TRPM1: variants seen among roughly 807,000 people sequenced by gnomAD.
TRPM1 encodes transient receptor potential cation channel subfamily M member 1.
TRPM1 carries 113 observed loss-of-function variants against 149.4 expected under a neutral mutation model. The ratio of observed to expected loss-of-function variants is 0.76; its 90% CI spans 0.65 to 0.88. The LOEUF (loss-of-function observed/expected upper bound fraction) is 0.88. Ranked by LOEUF, TRPM1 falls within the 40% of genes least tolerant of loss-of-function variation. TRPM1 has a pLI of 0.00. For missense variants in TRPM1, 1,976 were observed against 2,038.7 expected (o/e 0.97, Z 0.59); for synonymous variants, 741 against 759.5 (o/e 0.98, Z 0.40).
At chr15:31,110,745 C>A (rs377170537) in intron 1 of TRPM1, among the ~76,000 whole-genome samples, 2 of 152,134 alleles carry the variant, frequency 1.3e-5, no homozygotes, top group Non-Finnish European at 2.9e-5. Flanking sequence ...CTGTGAGGAC[C>A]GGCCATGGAG....
chr15:31,093,809 G>A (rs1478155444), intron 1 of TRPM1, among the ~76,000 whole-genome samples: 1 of 151,946 alleles, frequency 6.6e-6, no homozygotes, highest in Non-Finnish European at 1.5e-5. Flanking sequence ...CACCATGTTG[G>A]CCAGGCTGGC....
intron 27 of TRPM1, among the ~76,000 whole-genome samples, chr15:31,023,127 T>C (rs988081278): frequency 2.0e-5 from 3 of 152,238 alleles, no homozygotes; most frequent in African/African-American, 7.2e-5. Flanking sequence ...CCTGCCTTCA[T>C]GCAGCTTAAG....
intron 1 of TRPM1, among the ~76,000 whole-genome samples, chr15:31,085,422 G>T (rs1459757749): frequency 6.6e-6 from 1 of 152,182 alleles, no homozygotes; most frequent in Non-Finnish European, 1.5e-5. Context: ...GTAATTAAGA[G>T]CAATAAAAAG....
chr15:31,047,051 A>C, intron 15 of TRPM1, 60 bp downstream of exon 15: 1 of 1,611,894 alleles, frequency 6.2e-7, no homozygotes, highest in Non-Finnish European at 8.5e-7. Context: ...GTTGAAAAGC[A>C]AGCGAGGAAC....
At chr15:31,013,319 T>TA (rs1158357447) in intron 27 of TRPM1, among the ~76,000 whole-genome samples, 1 of 152,056 alleles carries the variant, frequency 6.6e-6, no homozygotes. Context: ...CCTATTTTTT[T>TA]AAAAATATAT....
intron 23 of TRPM1, 102 bp downstream of exon 23, chr15:31,030,881 T>C: frequency 1.4e-6 from 2 of 1,406,102 alleles, no homozygotes; most frequent in Non-Finnish European, 2.0e-6. Context: ...GAGTGACAAA[T>C]ATTTTTTATT....
intron 27 of TRPM1, among the ~76,000 whole-genome samples, chr15:31,005,187 T>G (rs1170874489): frequency 6.6e-6 from 1 of 152,022 alleles, no homozygotes; most frequent in Non-Finnish European, 1.5e-5. Flanking sequence ...TCCTTTTGTA[T>G]CAAAAAAAAC....
At chr15:31,055,516 A>G (rs2034058036) in intron 11 of TRPM1, among the ~76,000 whole-genome samples, 1 of 152,202 alleles carries the variant, frequency 6.6e-6, no homozygotes, top group Admixed American at 6.5e-5. Flanking sequence ...TGGTGACCGG[A>G]AGATGGTCTA....
At chr15:31,145,459 C>T (rs1026636018) in intron 1 of TRPM1, among the ~76,000 whole-genome samples, 8 of 152,150 alleles carry the variant, frequency 5.3e-5, no homozygotes, top group Non-Finnish European at 1.2e-4. Flanking sequence ...GAATGTTGAA[C>T]CTGTCATATC....
At chr15:31,074,812 G>C (rs2034648640) in intron 3 of TRPM1, among the ~76,000 whole-genome samples, 1 of 152,008 alleles carries the variant, frequency 6.6e-6, no homozygotes, top group Non-Finnish European at 1.5e-5. Flanking sequence ...GTATTTACAG[G>C]TATAAATTTC....
intron 27 of TRPM1, among the ~76,000 whole-genome samples, chr15:31,010,244 T>A (rs574603239): frequency 6.6e-6 from 1 of 152,368 alleles, no homozygotes; most frequent in African/African-American, 2.4e-5. Context: ...TTCTGTGGAC[T>A]GTGATTCCAA....
chr15:31,125,357 G>C (rs535292793), intron 1 of TRPM1, among the ~76,000 whole-genome samples: 1 of 151,992 alleles, frequency 6.6e-6, no homozygotes, highest in Non-Finnish European at 1.5e-5. Context: ...GAGACAGGAA[G>C]TACATGGGAG....
At chr15:31,103,664 A>C (rs2035557816), upstream of TRPM1, among the ~76,000 whole-genome samples, 1 of 151,812 alleles carries the variant, frequency 6.6e-6, no homozygotes, top group Non-Finnish European at 1.5e-5. Context: ...AATATAAAAA[A>C]TAACCGGCCA....
At chr15:31,021,702 T>TAAA (rs34186876) in intron 27 of TRPM1, among the ~76,000 whole-genome samples, 3 of 119,362 alleles carry the variant, frequency 2.5e-5, no homozygotes, top group African/African-American at 9.2e-5. Flanking sequence ...TCTCTAGAAT[T>TAAA]AAAAAAAAAA....
Position 31,038,042 on chromosome 15 carries a change from A to G in TRPM1, c.2439+2T>C, listed in dbSNP as rs770487582. 2 of 1,614,160 alleles carry G rather than the reference A, an allele frequency of 1.2e-6. No homozygotes were observed. The highest frequency in any genetic ancestry group is 1.1e-5 in the South Asian group (1 of 91,078). On this transcript the variant is annotated splice_donor_variant, in intron 19 of 27. Transcript: ENST00000256552. LOFTEE classifies it high-confidence loss of function. ...ATGCTTAGGGTCAAGTGTGTCACTGACCGTATTTTCCTCTTCTTTTTCTTT... is the reference window on the plus strand; with the variant it reads ...ATGCTTAGGGTCAAGTGTGTCACTGGCCGTATTTTCCTCTTCTTTTTCTTT...
intron 3 of TRPM1, among the ~76,000 whole-genome samples, chr15:31,075,514 A>G (rs2034665627): frequency 1.3e-5 from 2 of 152,318 alleles, no homozygotes; most frequent in South Asian, 4.1e-4. Flanking sequence ...TGCTGCTTAC[A>G]TGAGTGGGGC....
At chr15:31,086,013 G>A (rs146724860) in intron 1 of TRPM1, among the ~76,000 whole-genome samples, 84 of 149,518 alleles carry the variant, frequency 5.6e-4, no homozygotes, top group African/African-American at 1.9e-3. Context: ...ATCTCTGACC[G>A]TTCCGAGGAG....
chr15:31,020,677 C>A (rs1056574230), intron 27 of TRPM1, among the ~76,000 whole-genome samples: 7 of 152,186 alleles, frequency 4.6e-5, no homozygotes, highest in Admixed American at 3.9e-4. Flanking sequence ...TTTGCCCATG[C>A]CTAGTTTTTC....
intron 1 of TRPM1, among the ~76,000 whole-genome samples, chr15:31,089,708 T>G (rs901063800): frequency 1.3e-5 from 2 of 152,204 alleles, no homozygotes; most frequent in African/African-American, 2.4e-5. Flanking sequence ...GGGCCGACAC[T>G]TGGATGACCT....
Sources: gnomAD v4.1 joint callset for allele counts (sites outside exome capture counted in the v4.1 genomes callset) on GRCh38, gnomAD v4.1.1 for gene constraint, MANE v1.5 for transcripts, NCBI Gene and HGNC (gene_info 2026-07-23, HGNC 2026-07-21) for gene names.